Variants in CDH4 observed in about 807,000 individuals in gnomAD.
CDH4 encodes cadherin 4.
In CDH4, 33 loss-of-function variants were observed where a neutral mutation model predicts 86.0. The ratio of observed to expected loss-of-function variants is 0.38; its 90% CI spans 0.29 to 0.51. The LOEUF (loss-of-function observed/expected upper bound fraction) is 0.51. Ranked by LOEUF, CDH4 falls within the 20% of genes least tolerant of loss-of-function variation. The probability of loss-of-function intolerance (pLI) is 0.86; values close to 1 mark genes in which losing one functional copy is unlikely to be tolerated. For synonymous variants in CDH4, 555 were observed against 549.4 expected, an observed-to-expected ratio of 1.01 and a Z score of -0.14; for missense variants, 1,114 against 1,307.4, an observed-to-expected ratio of 0.85 and a Z score of 2.28.
intron 2 of CDH4, among the ~76,000 whole-genome samples, chr20:61,264,310 T>C (rs763584434): frequency 2.0e-5 from 3 of 152,254 alleles, no homozygotes; most frequent in Non-Finnish European, 4.4e-5. Flanking sequence ...AGTGGTTCCT[T>C]CATTCAATCT....
intron 2 of CDH4, among the ~76,000 whole-genome samples, chr20:61,357,578 A>G (rs556374012): frequency 7.7e-4 from 117 of 152,300 alleles, no homozygotes; most frequent in Non-Finnish European, 8.4e-4. Context: ...CAGGGACCAG[A>G]CAGCCCCCAG....
chr20:61,572,994 A>G (rs2086353921), intron 2 of CDH4, among the ~76,000 whole-genome samples: 1 of 150,920 alleles, frequency 6.6e-6, no homozygotes, highest in Non-Finnish European at 1.5e-5. Context: ...GGATAGACGG[A>G]CGGACGGATG....
At chr20:61,537,986 A>G (rs7263969) in intron 2 of CDH4, among the ~76,000 whole-genome samples, 50,686 of 152,106 alleles carry the variant, frequency 0.33, 14,106 homozygotes, top group African/African-American at 0.76. Context: ...CCACATTGCT[A>G]TGAAGACCAA....
intron 7 of CDH4, among the ~76,000 whole-genome samples, chr20:61,878,655 C>T (rs1429457951): frequency 6.6e-6 from 1 of 152,226 alleles, no homozygotes; most frequent in Non-Finnish European, 1.5e-5. Context: ...GGGCCAGTCT[C>T]TGCAGCAGTT....
At chr20:61,368,402 A>C (rs1381303299) in intron 2 of CDH4, among the ~76,000 whole-genome samples, 7 of 152,220 alleles carry the variant, frequency 4.6e-5, no homozygotes, top group Non-Finnish European at 1.0e-4. Flanking sequence ...CCAGGTGAGG[A>C]CACAGCAGAA....
intron 8 of CDH4, among the ~76,000 whole-genome samples, chr20:61,896,409 G>A (rs1220166553): frequency 1.3e-5 from 2 of 152,234 alleles, no homozygotes; most frequent in Admixed American, 1.3e-4. Context: ...GGCCTGGGGC[G>A]CAGCTGCACC....
chr20:61,252,553 C>A lies in CDH4; in HGVS notation c.40C>A (p.Leu14Ile). 8.3e-7 allele frequency: 1 copy of A among 1,204,632 alleles called. No homozygotes were observed. The highest frequency in any genetic ancestry group is 4.1e-5 in the South Asian group (1 of 24,146). The allele number at this position is 1,204,632 out of a possible 1,614,324, so 74.6% of individuals were successfully genotyped here. The stretch of plus-strand genomic sequence containing the variant: ...CGGCGTGCTCCTTCTGCTGCTCTCG[C>A]TCTCCGGCGCGCTCCGGGTAAGTTG... ...GAGVLLLLLS[L>I]SGALRAHNED... Residue 14 changes from leucine (L) to isoleucine (I), a missense_variant, in exon 1 of 16, where the codon CTC becomes ATC. Leu to Ile is a conservative substitution (Grantham distance 5). This residue lies in a region of CDH4 where 221 missense variants were observed against 209.5 expected (regional missense o/e 1.05). Coordinates refer to ENST00000614565, the MANE Select transcript of CDH4 (RefSeq NM_001794.5). The surrounding 1 kb of genome is among the most constrained non-coding windows in gnomAD (Gnocchi z 4.4).
chr20:61,599,658 G>A (rs1364523282), intron 2 of CDH4: 3 of 215,966 alleles, frequency 1.4e-5, no homozygotes, highest in Non-Finnish European at 2.4e-5. Flanking sequence ...CTGTCCCAGT[G>A]AAAGACACAG....
At chr20:61,334,046 A>G (rs2084602615) in intron 2 of CDH4, among the ~76,000 whole-genome samples, 1 of 152,176 alleles carries the variant, frequency 6.6e-6, no homozygotes, top group Non-Finnish European at 1.5e-5. Flanking sequence ...CCTCTTCTCC[A>G]GCTTTGGAGG....
intron 2 of CDH4, among the ~76,000 whole-genome samples, chr20:61,688,312 A>ACCTTCCTCCTCCCT (rs2087611548): frequency 6.6e-6 from 1 of 150,868 alleles, no homozygotes; most frequent in East Asian, 1.9e-4. Flanking sequence ...CCCTCCTCCC[A>ACCTTCCTCCTCCCT]CCTTCCTCCT....
chr20:61,405,518 G>A (rs1023343405), intron 2 of CDH4, among the ~76,000 whole-genome samples: 18 of 152,056 alleles, frequency 1.2e-4, no homozygotes, highest in African/African-American at 4.1e-4. Context: ...CCCAATCCCT[G>A]GTGTTCTTAC....
At chr20:61,458,062 T>C (rs2085419147) in intron 2 of CDH4, among the ~76,000 whole-genome samples, 1 of 149,830 alleles carries the variant, frequency 6.7e-6, no homozygotes, top group African/African-American at 2.5e-5. Context: ...GTGGCAGCGG[T>C]GGTGGTGGTG....
rs1014869630 is a variant in CDH4, at chr20:61,510,526, A to G, written c.170-233037A>G. ...AGAGATTCGTTCCACATAAAATGCAACCACTGTCTACTGCCCCAGGAATGG... is the reference window on the plus strand; with the variant it reads ...AGAGATTCGTTCCACATAAAATGCAGCCACTGTCTACTGCCCCAGGAATGG... On this transcript the variant is annotated intron_variant, in intron 2 of 15. Transcript: ENST00000614565. The surrounding 1 kb of genome is among the most constrained non-coding windows in gnomAD (Gnocchi z 4.2). 2.6e-5 allele frequency among the ~76,000 whole-genome samples: 4 copies of G among 152,210 alleles called. No homozygotes were observed. The highest frequency in any genetic ancestry group is 1.3e-4 in the Admixed American group (2 of 15,282).
At chr20:61,551,380 C>T (rs771820057) in intron 2 of CDH4, among the ~76,000 whole-genome samples, 38 of 152,162 alleles carry the variant, frequency 2.5e-4, no homozygotes, top group Non-Finnish European at 2.9e-4. Flanking sequence ...TCACAAATCA[C>T]TGGTGTACTG....
chr20:61,686,973 T>G (rs1600874296), intron 2 of CDH4, among the ~76,000 whole-genome samples: 1 of 113,568 alleles, frequency 8.8e-6, no homozygotes, highest in Middle Eastern at 4.2e-3. Context: ...CTCCCCCGAC[T>G]AGCAAGGTGT....
chr20:61,632,083 G>A (rs1022684593), intron 2 of CDH4, among the ~76,000 whole-genome samples: 1 of 152,236 alleles, frequency 6.6e-6, no homozygotes. Flanking sequence ...TGGCACACAC[G>A]TGTAGCCTCC....
intron 2 of CDH4, among the ~76,000 whole-genome samples, chr20:61,730,449 C>A (rs150133981): frequency 3.3e-5 from 5 of 152,200 alleles, no homozygotes; most frequent in Non-Finnish European, 5.9e-5. Flanking sequence ...AGCAACATGT[C>A]CTTAATGCTC....
chr20:61,651,533 C>T lies in CDH4; in HGVS notation c.170-92030C>T, dbSNP rs985044817. ...CAGCCCCCGCCTGGAGGCCACGGGGCGCCCTGAGCAGTGTGTGGGTTGGAC... is the reference window on the plus strand; with the variant it reads ...CAGCCCCCGCCTGGAGGCCACGGGGTGCCCTGAGCAGTGTGTGGGTTGGAC... On this transcript the variant is annotated intron_variant, in intron 2 of 15. Coordinates refer to ENST00000614565, the MANE Select transcript of CDH4 (RefSeq NM_001794.5). Among the ~76,000 whole-genome samples, 4 of 152,130 alleles carry T rather than the reference C, an allele frequency of 2.6e-5. No homozygotes were observed. The South Asian group carries it at 6.2e-4, about 24-fold the overall frequency.
chr20:61,915,615 C>T (rs2054896503), intron 9 of CDH4, among the ~76,000 whole-genome samples: 1 of 152,228 alleles, frequency 6.6e-6, no homozygotes, highest in Non-Finnish European at 1.5e-5. Flanking sequence ...GTCTCCAGTG[C>T]ATCACACTAA....
Sources: allele counts gnomAD v4.1 joint callset (sites outside exome capture counted in the v4.1 genomes callset), GRCh38; gene constraint gnomAD v4.1.1; regional missense constraint gnomAD v4.1.1; non-coding constraint Gnocchi (gnomAD v3.1); transcripts MANE v1.5; gene names NCBI Gene and HGNC (gene_info 2026-07-23, HGNC 2026-07-21).